Variants in U2AF2 observed in about 807,000 individuals in gnomAD.
U2AF2 encodes splicing factor U2AF 65 kDa subunit.
A neutral mutation model predicts 52.6 loss-of-function variants in U2AF2; 6 were observed. The observed-to-expected ratio is 0.11, with a 90% CI of 0.06 to 0.23. U2AF2 has a LOEUF of 0.23. Ranked by LOEUF, U2AF2 falls within the 10% of genes least tolerant of loss-of-function variation. The probability of loss-of-function intolerance (pLI) is 1.00; values close to 1 mark genes in which losing one functional copy is unlikely to be tolerated. For missense variants in U2AF2, 222 were observed against 677.1 expected (o/e 0.33, Z 7.46); for synonymous variants, 284 against 258.2 (o/e 1.10, Z -0.96).
chr19:55,674,097 C>A lies in U2AF2; in HGVS notation c.*29C>A. The A allele has an allele frequency of 2.4e-6, 3 of 1,274,554 alleles. No individual in the cohort carries two copies. Among genetic ancestry groups the A allele is most frequent in the Non-Finnish European group, 3.3e-6 (3 of 920,800 alleles). The allele number at this position is 1,274,554 out of a possible 1,614,324, so 79.0% of individuals were successfully genotyped here. A position where few individuals can be genotyped will look rare whatever the true frequency, so the allele number is the denominator to read the frequency against. On this transcript the variant is annotated 3_prime_UTR_variant, in exon 12 of 12. Transcript: ENST00000308924. Reference sequence around the variant, plus strand: ...CGGCTGGGGGAGGGTGGGGGCAGGGCTGGCTGGGGGCTTCTCCCCACTCCC... The same window carrying A: ...CGGCTGGGGGAGGGTGGGGGCAGGGATGGCTGGGGGCTTCTCCCCACTCCC...
rs1420273607 is a variant in U2AF2, at chr19:55,668,672, C to G, written c.825C>G (p.Val275=). Residue 275 remains valine (V), a splice_region_variant and synonymous_variant, in exon 9 of 12, where the codon GTC becomes GTG. Coordinates refer to ENST00000308924, the MANE Select transcript of U2AF2 (RefSeq NM_007279.3). This position sits in a 1 kb window ranked among gnomAD's most constrained non-coding sequence, Gnocchi z 5.5. ...TGATGGACTCTCGGCTACTGCAGGT[C>G]AAAGAGCTGCTGACATCCTTTGGGC... is the stretch of plus-strand genomic sequence containing the variant. ...GLPNYLNDDQ[V]KELLTSFGPL... 1 of 1,601,534 alleles carries G rather than the reference C, an allele frequency of 6.2e-7. No homozygotes were observed. The highest frequency in any genetic ancestry group is 1.1e-5 in the South Asian group (1 of 90,710).
chr19:55,660,038 C>T (rs984353826), intron 2 of U2AF2, 139 bp from the exon 3 acceptor site: 18 of 668,484 alleles, frequency 2.7e-5, no homozygotes, highest in Non-Finnish European at 3.9e-5. Context: ...ATGGCAGGGC[C>T]GAGGGTGGCC....
At chr19:55,658,222 T>C (rs895293747) in intron 1 of U2AF2, among the ~76,000 whole-genome samples, 2 of 152,176 alleles carry the variant, frequency 1.3e-5, no homozygotes, top group East Asian at 3.8e-4. Context: ...GTTTTGTGTG[T>C]GTGCTTCATG....
intron 7 of U2AF2, among the ~76,000 whole-genome samples, chr19:55,665,742 A>G (rs1984509221): frequency 1.3e-5 from 2 of 151,960 alleles, no homozygotes; most frequent in Admixed American, 6.6e-5. Flanking sequence ...TCCGCCTCCC[A>G]GGTTCAAGCG....
chr19:55,660,152 C>CATA, intron 2 of U2AF2, 25 bp from the exon 3 acceptor site: 4 of 1,590,646 alleles, frequency 2.5e-6, no homozygotes, highest in Non-Finnish European at 3.4e-6. Context: ...CACCCCTCCC[C>CATA]ATACCTTTCC....
chr19:55,672,232 C>T (rs1023686784), intron 11 of U2AF2, among the ~76,000 whole-genome samples: 1 of 151,772 alleles, frequency 6.6e-6, no homozygotes, highest in Non-Finnish European at 1.5e-5. Flanking sequence ...GATAGTGATA[C>T]GTTTTTATCA....
At chr19:55,670,433 CCGTG>C (rs1352274580) in intron 11 of U2AF2, among the ~76,000 whole-genome samples, 3 of 117,740 alleles carry the variant, frequency 2.5e-5, no homozygotes, top group Non-Finnish European at 5.3e-5. Flanking sequence ...TCCCTGCTGT[CCGTG>C]CACCCTGCTG....
rs116245078 is a variant in U2AF2, at chr19:55,670,964, C to G, written c.1293+1272C>G. ...CTTGCCGGGAGCTGGCAGGGTTGGT[C>G]TTGCCAAAGCGATGCCACAGCCAGG... On this transcript the variant is annotated intron_variant, in intron 11 of 11. Coordinates refer to ENST00000308924, the MANE Select transcript of U2AF2 (RefSeq NM_007279.3). Among the ~76,000 whole-genome samples the G allele has an allele frequency of 6.8e-3, 1,032 of 152,272 alleles. 12 individuals carry two copies. Among genetic ancestry groups the G allele is most frequent in the African/African-American group, 0.023 (961 of 41,550 alleles).
chr19:55,666,743 C>T (rs191373449), intron 7 of U2AF2, among the ~76,000 whole-genome samples: 1 of 152,350 alleles, frequency 6.6e-6, no homozygotes, highest in East Asian at 1.9e-4. Context: ...GGGAGCCCAA[C>T]TCTTGTATCC....
chr19:55,669,088 T>C lies in U2AF2; in HGVS notation c.951T>C (p.Ile317=), dbSNP rs1027097149. 1.9e-6 allele frequency: 3 copies of C among 1,613,104 alleles called. No homozygotes were observed. The African/African-American group carries it at 4.0e-5, about 22-fold the overall frequency. Residue 317 remains isoleucine (I), a synonymous_variant, in exon 10 of 12, where the codon ATT becomes ATC. Transcript: ENST00000308924. The part of the protein sequence containing the change: ...YVDINVTDQA[I]AGLNGMQLGD... ...CCCTCATCCTCCAAACACAGGCCAT[T>C]GCGGGGCTGAACGGCATGCAGCTGG...
intron 7 of U2AF2, chr19:55,664,072 G>T: frequency 3.5e-6 from 1 of 283,520 alleles, no homozygotes. Flanking sequence ...ACCTTGGAGG[G>T]CTCAGTCTGT....
intron 1 of U2AF2, among the ~76,000 whole-genome samples, chr19:55,656,140 A>G (rs946570387): frequency 2.0e-5 from 3 of 152,210 alleles, no homozygotes; most frequent in Non-Finnish European, 4.4e-5. Context: ...TTCCAATAAT[A>G]TTAGAAGTGG....
intron 1 of U2AF2, among the ~76,000 whole-genome samples, chr19:55,657,685 T>G (rs1983883230): frequency 6.6e-6 from 1 of 152,236 alleles, no homozygotes; most frequent in African/African-American, 2.4e-5. Context: ...TTTGGGGTTT[T>G]TGGCCTTCAA....
Position 55,659,206 on chromosome 19 carries a change from C to T in U2AF2, c.50-4C>T. 6.4e-6 allele frequency: 10 copies of T among 1,571,368 alleles called. No homozygotes were observed. The highest frequency in any genetic ancestry group is 8.7e-6 in the Non-Finnish European group (10 of 1,155,988). On this transcript the variant is annotated splice_polypyrimidine_tract_variant and splice_region_variant and intron_variant, in intron 1 of 11. Transcript: ENST00000308924. ...CCCGTGCCCCTCCTCTCACCCTTGC[C>T]CAGAGCGGGACAAGGAGAACCGGCA... is the stretch of plus-strand genomic sequence containing the variant.
chr19:55,671,859 G>A, intron 11 of U2AF2: 1 of 152,394 alleles, frequency 6.6e-6, no homozygotes, highest in Non-Finnish European at 1.5e-5. Context: ...CGGCGAGGTG[G>A]CTCACGCCTG....
intron 5 of U2AF2, chr19:55,661,467 A>G: frequency 2.5e-6 from 1 of 395,610 alleles, no homozygotes; most frequent in Non-Finnish European, 4.5e-6. Context: ...TGTTGTACCT[A>G]CGTGTCGGAG....
intron 7 of U2AF2, among the ~76,000 whole-genome samples, chr19:55,666,908 T>C (rs1984582701): frequency 6.6e-6 from 1 of 152,228 alleles, no homozygotes; most frequent in Admixed American, 6.5e-5. Context: ...AGGCTGCCTT[T>C]TTCCTGCCTG....
intron 1 of U2AF2, among the ~76,000 whole-genome samples, chr19:55,657,353 C>G (rs971939787): frequency 2.0e-5 from 3 of 152,238 alleles, no homozygotes; most frequent in African/African-American, 7.2e-5. Flanking sequence ...GTGTCACTGC[C>G]TGTAGTCTTT....
chr19:55,671,751 G>C (rs1382147303), intron 11 of U2AF2: 1 of 152,338 alleles, frequency 6.6e-6, no homozygotes, highest in Non-Finnish European at 1.5e-5. Context: ...GCTCAAGCAG[G>C]GGCTGAGGAA....
Sources: gnomAD v4.1 joint callset for allele counts (sites outside exome capture counted in the v4.1 genomes callset) on GRCh38, gnomAD v4.1.1 for gene constraint, Gnocchi (gnomAD v3.1) non-coding constraint, MANE v1.5 for transcripts, NCBI Gene and HGNC (gene_info 2026-07-23, HGNC 2026-07-21) for gene names.